Variants in TMEM59 observed in about 807,000 individuals in gnomAD.
TMEM59 encodes transmembrane protein 59.
TMEM59 carries 44 observed loss-of-function variants against 42.2 expected under a neutral mutation model. The ratio of observed to expected loss-of-function variants is 1.04; its 90% confidence interval spans 0.82 to 1.34. The LOEUF (loss-of-function observed/expected upper bound fraction) is 1.34, where lower values mean the gene tolerates loss of function less well. Among genes scored for constraint, TMEM59 ranks in the 40% most tolerant of loss-of-function variants. The probability of loss-of-function intolerance (pLI) is 0.00; values close to 1 mark genes in which losing one functional copy is unlikely to be tolerated. For missense variants in TMEM59, 359 were observed against 382.8 expected, an observed-to-expected ratio of 0.94 and a Z score of 0.52; for synonymous variants, 148 against 145.8, an observed-to-expected ratio of 1.02 and a Z score of -0.11.
chr1:54,040,786 T>C lies in TMEM59; in HGVS notation c.677A>G (p.Glu226Gly), dbSNP rs376645591. The C allele has an allele frequency of 6.2e-7, 1 of 1,613,840 alleles. No individual in the cohort carries two copies. The highest frequency in any genetic ancestry group is 8.5e-7 in the Non-Finnish European group (1 of 1,179,858). Reference protein sequence around the residue: ...QAHRNFLEDGESDGFLRCLSL... With the variant: ...QAHRNFLEDGGSDGFLRCLSL... ...GAGGCATCTTAAAAAGCCATCACTT[T>C]CTCCATCTTCAAGAAAATTCCTGTG... The change falls in exon 6 of 8, where the codon GAA (glutamate) becomes GGA (glycine). Residue 226 changes from glutamate to glycine, a missense_variant. Physicochemically the swap from Glu to Gly is moderately conservative, Grantham distance 98. Transcript: ENST00000234831.
chr1:54,052,656 G>A (rs1657590245), intron 1 of TMEM59, among the ~76,000 whole-genome samples: 1 of 151,806 alleles, frequency 6.6e-6, no homozygotes, highest in Non-Finnish European at 1.5e-5. Context: ...CCCCCCTTAC[G>A]CTCCCTTAGG....
rs1569919224 is a variant in TMEM59 at position 54,027,569 on chromosome 1, G to A, written c.*4581C>T. ...AGATTACCTGAGGCCAGGAGTTCGAGACCAGCCTGGGCAACATGGCAAAAC... is the reference window on the plus strand; with the variant it reads ...AGATTACCTGAGGCCAGGAGTTCGAAACCAGCCTGGGCAACATGGCAAAAC... On this transcript the variant is annotated 3_prime_UTR_variant, in exon 8 of 8. Coordinates refer to ENST00000234831, the MANE Select transcript of TMEM59 (RefSeq NM_004872.5). 6.6e-6 allele frequency: 1 copy of A among 152,128 alleles called. No homozygotes were observed. Among genetic ancestry groups the A allele is most frequent in the Non-Finnish European group, 1.5e-5 (1 of 68,022 alleles). The allele number at this position is 152,128 out of a possible 1,614,324, so 9.4% of individuals were successfully genotyped here.
intron 6 of TMEM59, among the ~76,000 whole-genome samples, chr1:54,039,730 C>T (rs950652591): frequency 1.3e-5 from 2 of 152,048 alleles, no homozygotes; most frequent in African/African-American, 2.4e-5. Flanking sequence ...ACTTGTTTAC[C>T]ACTCACTGAA....
rs776784044 is a variant in TMEM59, at chr1:54,040,748, A to C, written c.707+8T>G. ...TCTGTTATACACATAATAAAGAGGAATACATACAGAGAGAGGCATCTTAAA... is the reference window on the plus strand; with the variant it reads ...TCTGTTATACACATAATAAAGAGGACTACATACAGAGAGAGGCATCTTAAA... On this transcript the variant is annotated splice_region_variant and intron_variant, in intron 6 of 7. Transcript: ENST00000234831. 57 of 1,604,198 alleles carry C rather than the reference A, an allele frequency of 3.6e-5. No homozygotes were observed. In the Admixed American group the frequency reaches 9.2e-4, roughly 26 times the overall value.
chr1:54,045,521 T>C (rs1292922063), intron 3 of TMEM59, 171 bp downstream of exon 3: 2 of 590,044 alleles, frequency 3.4e-6, no homozygotes, highest in Admixed American at 3.0e-5. Flanking sequence ...TAAAGCATTA[T>C]ACAAAAGCAA....
At chr1:54,048,746 C>A in intron 1 of TMEM59, 2 of 369,098 alleles carry the variant, frequency 5.4e-6, no homozygotes, top group East Asian at 9.0e-5. Context: ...CTATGTATTT[C>A]TTTCCAGCAA....
At chr1:54,052,695 C>T (rs1356873707) in intron 1 of TMEM59, among the ~76,000 whole-genome samples, 1 of 152,148 alleles carries the variant, frequency 6.6e-6, no homozygotes, top group Non-Finnish European at 1.5e-5. Context: ...CATCCATATC[C>T]TCCCCTATCC....
At chr1:54,042,046 G>GTTTTTTTTTTTTTTTT (rs1253767145) in intron 4 of TMEM59, among the ~76,000 whole-genome samples, 2 of 142,682 alleles carry the variant, frequency 1.4e-5, no homozygotes, top group African/African-American at 5.7e-5. Context: ...TCCTGACAAC[G>GTTTTTTTTTTTTTTTT]TTTTGTTTTG....
At position 54,036,620 on chromosome 1, in the gene TMEM59, A is replaced by G; in HGVS notation, c.806T>C (p.Val269Ala). 1 of 1,606,240 alleles carries G rather than the reference A, an allele frequency of 6.2e-7. No individual in the cohort carries two copies. Among genetic ancestry groups the G allele is most frequent in the Non-Finnish European group, 8.5e-7 (1 of 1,175,840 alleles). ...AAGAATTAAATTTACCTCAGAGGGA[A>G]CATACTGCTCCACAGCTGTAGCAAC... ...ATVATAVEQY[V>A]PSEKLSIYGD... The change falls in exon 7 of 8, where the codon GTT becomes GCT. Residue 269 changes from valine to alanine, a missense_variant. Transcript: ENST00000234831.
At chr1:54,044,525 T>C (rs1332367580) in intron 3 of TMEM59, 1 of 148,276 alleles carries the variant, frequency 6.7e-6, no homozygotes, top group Non-Finnish European at 1.5e-5. Context: ...TTTTTTTTTT[T>C]TGAGACAGTG....
intron 5 of TMEM59, among the ~76,000 whole-genome samples, chr1:54,041,497 C>A (rs1657135271): frequency 1.3e-5 from 2 of 152,228 alleles, no homozygotes; most frequent in Admixed American, 6.5e-5. Context: ...AATACAAATT[C>A]TCAGATCTTC....
intron 2 of TMEM59, among the ~76,000 whole-genome samples, chr1:54,046,685 AAC>A (rs1657349137): frequency 6.6e-6 from 1 of 152,224 alleles, no homozygotes. Context: ...TACACTAATA[AAC>A]AGTGTAACGA....
chr1:54,032,245 C>G lies in TMEM59; in HGVS notation c.877G>C (p.Ala293Pro), dbSNP rs757442433. 2.5e-6 allele frequency: 4 copies of G among 1,612,964 alleles called. No homozygotes were observed. Among genetic ancestry groups the G allele is most frequent in the African/African-American group, 2.7e-5 (2 of 74,904 alleles). The change falls in exon 8 of 8, where the codon GCT becomes CCT. Residue 293 changes from alanine (A) to proline (P), a missense_variant. By Grantham distance (27) the Ala-to-Pro change is conservative (BLOSUM62 -1). Transcript: ENST00000234831. Reference sequence around the variant, plus strand: ...GATCTAACAACCACAAGAGAAGAAGCTGGATATCTGTTTAGCTTTTGTTCA... The same window carrying G: ...GATCTAACAACCACAAGAGAAGAAGGTGGATATCTGTTTAGCTTTTGTTCA... The part of the protein sequence containing the change: ...MNEQKLNRYP[A>P]SSLVVVRSKT...
intron 1 of TMEM59, among the ~76,000 whole-genome samples, chr1:54,051,417 G>A (rs1657535513): frequency 6.6e-6 from 1 of 152,208 alleles, no homozygotes; most frequent in African/African-American, 2.4e-5. Context: ...GGAGCCAGAT[G>A]ATTTGGAGTT....
In TMEM59 at chr1:54,040,812, C is replaced by G. The variant is rs757634096; in HGVS notation, c.651G>C (p.Ala217=). ...CTCCATCTTCAAGAAAATTCCTGTGCGCTTGTGAATTTCTCATTTGCAGAT... is the reference window on the plus strand; with the variant it reads ...CTCCATCTTCAAGAAAATTCCTGTGGGCTTGTGAATTTCTCATTTGCAGAT... The part of the protein sequence containing the change: ...MSYLQMRNSQ[A]HRNFLEDGES... The change falls in exon 6 of 8, where the codon GCG becomes GCC. Residue 217 remains alanine, a synonymous_variant. Coordinates refer to ENST00000234831, the MANE Select transcript of TMEM59 (RefSeq NM_004872.5). The G allele has an allele frequency of 1.2e-6, 2 of 1,613,670 alleles. No individual in the cohort carries two copies. Among genetic ancestry groups the G allele is most frequent in the Admixed American group, 3.3e-5 (2 of 60,004 alleles).
At chr1:54,035,948 T>C (rs1656931490) in intron 7 of TMEM59, among the ~76,000 whole-genome samples, 1 of 152,118 alleles carries the variant, frequency 6.6e-6, no homozygotes, top group Non-Finnish European at 1.5e-5. Flanking sequence ...CACTGATCCT[T>C]AATATTGTGG....
rs1214233340 is a variant in TMEM59 at position 54,029,785 on chromosome 1, T to G, written c.*2365A>C. The stretch of plus-strand genomic sequence containing the variant: ...CCCAAACAGAAGACTATATTTCCCA[T>G]TATCTCAATCTTTATCACTGTACGT... On this transcript the variant is annotated 3_prime_UTR_variant, in exon 8 of 8. Coordinates refer to ENST00000234831, the MANE Select transcript of TMEM59 (RefSeq NM_004872.5). 1 of 152,194 alleles carries G rather than the reference T, an allele frequency of 6.6e-6. No homozygotes were observed. The highest frequency in any genetic ancestry group is 6.5e-5 in the Admixed American group (1 of 15,268). The allele number at this position is 152,194 out of a possible 1,614,324, so 9.4% of individuals were successfully genotyped here. A position where few individuals can be genotyped will look rare whatever the true frequency, so the allele number is the denominator to read the frequency against.
intron 1 of TMEM59, chr1:54,048,635 G>A: frequency 2.4e-6 from 1 of 424,804 alleles, no homozygotes; most frequent in South Asian, 1.8e-5. Context: ...ATATGGGGGA[G>A]CCCCCTCGAC....
chr1:54,042,875 A>T (rs1164392410), intron 4 of TMEM59, among the ~76,000 whole-genome samples: 1 of 152,240 alleles, frequency 6.6e-6, no homozygotes, highest in East Asian at 1.9e-4. Flanking sequence ...TATAACCTCC[A>T]GGGAATAACA....
Sources: gnomAD v4.1 joint callset for allele counts (sites outside exome capture counted in the v4.1 genomes callset) on GRCh38, gnomAD v4.1.1 for gene constraint, MANE v1.5 for transcripts, NCBI Gene and HGNC (gene_info 2026-07-23, HGNC 2026-07-21) for gene names.